The following LRSAM1 variants were observed in gnomAD, a reference collection of about 807,000 sequenced individuals.
The protein encoded by LRSAM1 is E3 ubiquitin-protein ligase LRSAM1.
In LRSAM1, 96 loss-of-function variants were observed where a neutral mutation model predicts 118.1. The ratio of observed to expected loss-of-function variants is 0.81; its 90% CI spans 0.69 to 0.96. LRSAM1 has a LOEUF of 0.96. Ranked by LOEUF, LRSAM1 falls within the 40% of genes least tolerant of loss-of-function variation. The probability of loss-of-function intolerance (pLI) is 0.00; values close to 1 mark genes in which losing one functional copy is unlikely to be tolerated. For synonymous variants in LRSAM1, 322 were observed against 364.2 expected (o/e 0.88, Z 1.32); for missense variants, 804 against 915.5 (o/e 0.88, Z 1.57).
At chr9:127,478,897 C>T (rs1478460345) in intron 11 of LRSAM1, 37 bp from the exon 12 acceptor site, 1 of 1,612,634 alleles carries the variant, frequency 6.2e-7, no homozygotes, top group South Asian at 1.1e-5. Flanking sequence ...ACCACTGCTG[C>T]CACCCTCTCT....
rs756804646 is a variant in LRSAM1 at position 127,491,232 on chromosome 9, T to G, written c.1440T>G (p.Thr480=). Residue 480 remains threonine (T), a synonymous_variant, in exon 20 of 26, where the codon ACT becomes ACG. Coordinates refer to ENST00000300417, the MANE Select transcript of LRSAM1 (RefSeq NM_001005373.4). ...QIRSQIKLIE[T]ELLQLTQLEL... is the part of the protein sequence containing the mutation. ...CTGTTTAGATTAAGTTAATAGAAACTGAGTTATTGCAGCTGACACAGCTGG... is the reference window on the plus strand; with the variant it reads ...CTGTTTAGATTAAGTTAATAGAAACGGAGTTATTGCAGCTGACACAGCTGG... 6.2e-7 allele frequency: 1 copy of G among 1,613,652 alleles called. No homozygotes were observed. Among genetic ancestry groups the G allele is most frequent in the South Asian group, 1.1e-5 (1 of 91,082 alleles).
chr9:127,451,729 T>C (rs1808248919), intron 1 of LRSAM1, 60 bp downstream of exon 1: 2 of 227,700 alleles, frequency 8.8e-6, no homozygotes, highest in Non-Finnish European at 8.9e-6. Flanking sequence ...CCCTGAGGGG[T>C]CCGTAGTCCC....
intron 15 of LRSAM1, among the ~76,000 whole-genome samples, chr9:127,481,943 T>C (rs1282907237): frequency 7.3e-6 from 1 of 136,642 alleles, no homozygotes; most frequent in Non-Finnish European, 1.6e-5. Context: ...TGGTTCCAGC[T>C]AAAAAAAAAA....
At chr9:127,469,587 C>T (rs1835087270) in intron 10 of LRSAM1, among the ~76,000 whole-genome samples, 1 of 147,922 alleles carries the variant, frequency 6.8e-6, no homozygotes. Context: ...GATACTTTGA[C>T]AAACCCACTA....
In LRSAM1 at chr9:127,496,213, C is replaced by T. The variant is rs1399461612; in HGVS notation, c.1830+118C>T. 13 of 1,441,888 alleles carry T rather than the reference C, an allele frequency of 9.0e-6. No homozygotes were observed. The South Asian group carries it at 1.5e-4, about 17-fold the overall frequency. 89.3% of individuals were successfully genotyped at this position (1,441,888 alleles called of 1,614,324 possible). A position where few individuals can be genotyped will look rare whatever the true frequency, so the allele number is the denominator to read the frequency against. On this transcript the variant is annotated intron_variant, in intron 23 of 25. Transcript: ENST00000300417. ...TGAGGCCTGTCCTTACCTAATGGCC[C>T]AGGGCCACCTTGCTTCCAGATGGCC...
chr9:127,476,774 A>G lies in LRSAM1; in HGVS notation c.751-2160A>G, dbSNP rs184059467. ...ACTGCAACCTCTGCCTCTCAGGTTC[A>G]AGCAATTCTCCTGCCTTAGCCTCCC... On this transcript the variant is annotated intron_variant, in intron 11 of 25. Coordinates refer to ENST00000300417, the MANE Select transcript of LRSAM1 (RefSeq NM_001005373.4). Among the ~76,000 whole-genome samples the G allele has an allele frequency of 1.1e-4, 16 of 152,132 alleles. No individual in the cohort carries two copies. The East Asian group carries it at 2.7e-3, about 26-fold the overall frequency.
At chr9:127,472,989 G>T (rs934423569) in intron 10 of LRSAM1, among the ~76,000 whole-genome samples, 1 of 152,154 alleles carries the variant, frequency 6.6e-6, no homozygotes, top group Non-Finnish European at 1.5e-5. Flanking sequence ...TCCATCCCAT[G>T]AGGAGTGGCT....
chr9:127,481,123 A>C (rs980238240), intron 14 of LRSAM1, 60 bp from the exon 15 acceptor site: 1 of 1,576,060 alleles, frequency 6.3e-7, no homozygotes. Flanking sequence ...CAGCTAACGC[A>C]GTGAGACAGG....
intron 8 of LRSAM1, 26 bp downstream of exon 8, chr9:127,461,283 G>A (rs375515782): frequency 6.2e-7 from 1 of 1,600,630 alleles, no homozygotes; most frequent in African/African-American, 1.3e-5. Flanking sequence ...CCGTGTCCGT[G>A]TGACCCTCCA....
intron 15 of LRSAM1, 64 bp from the exon 16 acceptor site, chr9:127,482,886 A>C: frequency 2.0e-6 from 3 of 1,473,006 alleles, no homozygotes; most frequent in Non-Finnish European, 1.9e-6. Flanking sequence ...GGTGGTGTTC[A>C]TCTGCTGGGA....
chr9:127,498,992 A>C (rs541300658), intron 24 of LRSAM1, among the ~76,000 whole-genome samples: 3 of 151,472 alleles, frequency 2.0e-5, no homozygotes, highest in Admixed American at 1.3e-4. Flanking sequence ...AGGAGGCGGA[A>C]GTTACAGTGA....
rs1835058413 is a variant in LRSAM1, at chr9:127,468,834, A to AAAAC, written c.619+1007_619+1008insCAAA. On this transcript the variant is annotated intron_variant, in intron 10 of 25. Coordinates refer to ENST00000300417, the MANE Select transcript of LRSAM1 (RefSeq NM_001005373.4). ...ACAAAAAAAAAAAAAAAAAAAAAAA[A>AAAAC]AAAAATCAGCCAGGCGTGGTGGCAC... Among the ~76,000 whole-genome samples the AAAAC allele has an allele frequency of 5.4e-5, 6 of 110,192 alleles. 1 individual carries two copies. Among genetic ancestry groups the AAAAC allele is most frequent in the Non-Finnish European group, 5.8e-5 (3 of 51,348 alleles). The allele number at this position is 110,192 out of a possible 152,430, so 72.3% of individuals were successfully genotyped here. A position where few individuals can be genotyped will look rare whatever the true frequency, so the allele number is the denominator to read the frequency against.
At chr9:127,475,137 A>G (rs1052046997) in intron 11 of LRSAM1, among the ~76,000 whole-genome samples, 1 of 152,142 alleles carries the variant, frequency 6.6e-6, no homozygotes, top group African/African-American at 2.4e-5. Context: ...GCCAGTTCAC[A>G]TTCTCAGAAA....
chr9:127,485,329 G>A lies in LRSAM1; in HGVS notation c.1160-407G>A, dbSNP rs370365661. On this transcript the variant is annotated intron_variant, in intron 16 of 25. Transcript: ENST00000300417. The stretch of plus-strand genomic sequence containing the variant: ...TCCCAGCACTTTGGGAGGCCAAGGC[G>A]GGTGGATCACGAGGTCAAGAGATCG... 1.5e-4 allele frequency among the ~76,000 whole-genome samples: 23 copies of A among 152,128 alleles called. No homozygotes were observed. In the South Asian group the frequency reaches 2.3e-3, roughly 15 times the overall value.
At chr9:127,485,925 T>C (rs1588126994) in intron 17 of LRSAM1, 90 bp downstream of exon 17, 1 of 1,282,808 alleles carries the variant, frequency 7.8e-7, no homozygotes, top group African/African-American at 1.5e-5. Flanking sequence ...GCACTAAACC[T>C]CCCGCCCTGG....
intron 24 of LRSAM1, among the ~76,000 whole-genome samples, chr9:127,498,137 A>T (rs1836228449): frequency 6.6e-6 from 1 of 152,072 alleles, no homozygotes; most frequent in African/African-American, 2.4e-5. Context: ...GAAGCGGAGG[A>T]GCTGAGGCGA....
chr9:127,462,436 CAT>C, intron 9 of LRSAM1, 63 bp downstream of exon 9: 1 of 1,610,914 alleles, frequency 6.2e-7, no homozygotes, highest in Non-Finnish European at 8.5e-7. Flanking sequence ...CTCTCTCCCA[CAT>C]TACTGAGTGC....
Position 127,462,615 on chromosome 9 carries a change from A to C in LRSAM1, c.528+242A>C, listed in dbSNP as rs72767940. On this transcript the variant is annotated intron_variant, in intron 9 of 25. Transcript: ENST00000300417. ...ATGAAGAAGAAAGAATGCTGAATCC[A>C]GAAGAGGCTGACACTTTAAGAAAGT... 6.0e-3 allele frequency among the ~76,000 whole-genome samples: 914 copies of C among 152,290 alleles called. 3 individuals carry two copies. Among genetic ancestry groups the C allele is most frequent in the Non-Finnish European group, 9.6e-3 (653 of 68,020 alleles).
intron 10 of LRSAM1, among the ~76,000 whole-genome samples, chr9:127,472,444 C>T (rs1168657737): frequency 6.6e-6 from 1 of 151,888 alleles, no homozygotes; most frequent in Admixed American, 6.6e-5. Context: ...GAGTTCGAGA[C>T]CACCTTTACC....
Sources: allele counts gnomAD v4.1 joint callset (sites outside exome capture counted in the v4.1 genomes callset), GRCh38; gene constraint gnomAD v4.1.1; transcripts MANE v1.5; gene names NCBI Gene and HGNC (gene_info 2026-07-23, HGNC 2026-07-21).